The following TENM3 variants were observed in gnomAD, a reference collection of about 807,000 sequenced individuals.
TENM3 encodes the protein teneurin transmembrane protein 3.
A neutral mutation model predicts 255.1 loss-of-function variants in TENM3; 63 were observed. The observed-to-expected ratio is 0.25, with a 90% confidence interval of 0.20 to 0.30. TENM3 has a LOEUF of 0.30. Ranked by LOEUF, TENM3 falls within the 10% of genes least tolerant of loss-of-function variation. The pLI is 1.00. For synonymous variants in TENM3, 1,306 were observed against 1,322.3 expected, an observed-to-expected ratio of 0.99 and a Z score of 0.27; for missense variants, 2,929 against 3,461.1, an observed-to-expected ratio of 0.85 and a Z score of 3.86.
chr4:181,849,072 G>C, the TENM3 span, among the ~76,000 whole-genome samples: 6,818 of 152,190 alleles, frequency 0.045, 510 homozygotes, highest in African/African-American at 0.15. Flanking sequence ...CTCATAAACA[G>C]TACAACCAAG....
intron 6 of TENM3, 40 bp downstream of exon 6, chr4:182,653,933 C>A: frequency 2.6e-6 from 4 of 1,550,158 alleles, no homozygotes; most frequent in Non-Finnish European, 1.7e-6. Context: ...TCTCTTTTAA[C>A]ATCCCTTTTC....
At chr4:182,783,473 C>T (rs1765349998) in intron 24 of TENM3, among the ~76,000 whole-genome samples, 2 of 152,160 alleles carry the variant, frequency 1.3e-5, no homozygotes, top group South Asian at 4.2e-4. Context: ...ACCTTTCTCT[C>T]TGGCTGCCCT....
At chr4:181,860,995 A>G in the TENM3 span, among the ~76,000 whole-genome samples, 3 of 152,154 alleles carry the variant, frequency 2.0e-5, no homozygotes, top group African/African-American at 7.2e-5. Flanking sequence ...GTTGATATCG[A>G]AAAAAATGTA....
At chr4:181,851,506 G>C in the TENM3 span, among the ~76,000 whole-genome samples, 2 of 152,064 alleles carry the variant, frequency 1.3e-5, no homozygotes, top group Admixed American at 1.3e-4. Flanking sequence ...CCATCTGTAG[G>C]GTAGATACGA....
At chr4:182,468,824 TTGTGTGTGTGTGTGTGTGTGTGTGTGTG>T (rs66517986) in intron 3 of TENM3, among the ~76,000 whole-genome samples, 108 of 143,874 alleles carry the variant, frequency 7.5e-4, no homozygotes, top group South Asian at 1.6e-3. Flanking sequence ...TCCTGTGTGC[TTGTGTGTGTGTGTGTGTGTGTGTGTGTG>T]TGTGTGTGTG....
At chr4:182,546,197 T>A (rs958152437) in intron 3 of TENM3, among the ~76,000 whole-genome samples, 3 of 152,100 alleles carry the variant, frequency 2.0e-5, no homozygotes, top group African/African-American at 7.2e-5. Context: ...GTCCCAGAGG[T>A]GGCACAGGAG....
At chr4:182,403,748 T>A (rs1344555378) in intron 3 of TENM3, among the ~76,000 whole-genome samples, 1 of 152,156 alleles carries the variant, frequency 6.6e-6, no homozygotes, top group East Asian at 1.9e-4. Flanking sequence ...TTATTTTATT[T>A]TGGGGATGGG....
intron 4 of TENM3, among the ~76,000 whole-genome samples, chr4:182,620,669 CT>C (rs1443551699): frequency 1.3e-5 from 2 of 152,212 alleles, no homozygotes; most frequent in Non-Finnish European, 2.9e-5. Flanking sequence ...CTAATTCTTT[CT>C]TTACTTACAT....
At chr4:181,570,709 G>C in the TENM3 span, among the ~76,000 whole-genome samples, 1 of 152,092 alleles carries the variant, frequency 6.6e-6, no homozygotes, top group African/African-American at 2.4e-5. Flanking sequence ...AGCGGAGTAG[G>C]TAAAGGCAGA....
the TENM3 span, among the ~76,000 whole-genome samples, chr4:181,715,996 A>G: frequency 6.6e-6 from 1 of 152,236 alleles, no homozygotes; most frequent in African/African-American, 2.4e-5. Context: ...AGTCCATTGC[A>G]TGGTTTTATG....
At chr4:182,594,156 T>A (rs987412498) in intron 3 of TENM3, among the ~76,000 whole-genome samples, 1 of 152,184 alleles carries the variant, frequency 6.6e-6, no homozygotes, top group African/African-American at 2.4e-5. Context: ...TCTGTTCTTA[T>A]GACATTTCCT....
chr4:182,203,581 T>C (rs944286875), intron 1 of TENM3, among the ~76,000 whole-genome samples: 8 of 152,196 alleles, frequency 5.3e-5, no homozygotes, highest in African/African-American at 1.9e-4. Context: ...CAGACTTGAG[T>C]TGGAGCAGCG....
intron 24 of TENM3, among the ~76,000 whole-genome samples, chr4:182,784,617 G>T (rs548044220): frequency 1.5e-4 from 23 of 151,880 alleles, no homozygotes; most frequent in African/African-American, 4.8e-4. Context: ...GTTTACCTAA[G>T]CAAGCCTGGG....
the TENM3 span, among the ~76,000 whole-genome samples, chr4:181,651,501 T>C: frequency 6.6e-6 from 1 of 151,494 alleles, no homozygotes; most frequent in Non-Finnish European, 1.5e-5. Flanking sequence ...GGCAAGAGAA[T>C]CACTTGAACC....
the TENM3 span, among the ~76,000 whole-genome samples, chr4:181,791,182 G>A: frequency 3.3e-5 from 5 of 152,300 alleles, no homozygotes; most frequent in African/African-American, 1.2e-4. Context: ...ATGTCTTCAC[G>A]ATAGTGGTCC....
chr4:181,513,650 C>T, the TENM3 span, among the ~76,000 whole-genome samples: 3 of 152,176 alleles, frequency 2.0e-5, no homozygotes, highest in Non-Finnish European at 4.4e-5. Flanking sequence ...CAATAAATAA[C>T]CTCAAATCTC....
the TENM3 span, among the ~76,000 whole-genome samples, chr4:182,133,168 C>T: frequency 6.6e-6 from 1 of 152,172 alleles, no homozygotes; most frequent in Admixed American, 6.5e-5. Flanking sequence ...AACAGGGTCA[C>T]GTCCTTAAGT....
At chr4:181,819,995 A>G in the TENM3 span, 18 of 152,198 alleles carry the variant, frequency 1.2e-4, no homozygotes, top group Non-Finnish European at 2.4e-4. Flanking sequence ...CTAAAAAAAA[A>G]AAAAATCCAT....
the TENM3 span, among the ~76,000 whole-genome samples, chr4:181,769,700 T>G: frequency 6.6e-6 from 1 of 152,210 alleles, no homozygotes; most frequent in Admixed American, 6.5e-5. Context: ...ATAACTGATT[T>G]GTGGAATTTT....
Sources: gnomAD v4.1 joint callset for allele counts (sites outside exome capture counted in the v4.1 genomes callset) on GRCh38, gnomAD v4.1.1 for gene constraint, MANE v1.5 for transcripts, NCBI Gene and HGNC (gene_info 2026-07-23, HGNC 2026-07-21) for gene names.